The following CCSER1 variants were observed in gnomAD, a reference collection of about 807,000 sequenced individuals.
The protein encoded by CCSER1 is coiled-coil serine rich protein 1, also known as serine-rich coiled-coil domain-containing protein 1.
A neutral mutation model predicts 82.0 loss-of-function variants in CCSER1; 41 were observed. The ratio of observed to expected loss-of-function variants is 0.50; its 90% CI spans 0.39 to 0.65. The LOEUF (loss-of-function observed/expected upper bound fraction) is 0.65. Among genes scored for constraint, CCSER1 ranks in the 30% least tolerant of loss-of-function variants. CCSER1 has a pLI of 0.00. For synonymous variants in CCSER1, 414 were observed against 383.9 expected (o/e 1.08, Z -0.92); for missense variants, 1,119 against 1,064.2 (o/e 1.05, Z -0.72).
At chr4:90,935,377 G>A (rs1730803047) in intron 9 of CCSER1, among the ~76,000 whole-genome samples, 1 of 152,016 alleles carries the variant, frequency 6.6e-6, no homozygotes, top group Non-Finnish European at 1.5e-5. Context: ...TGCACGTACC[G>A]GCTCCCCTTC....
At chr4:90,995,073 A>G (rs146547913) in intron 9 of CCSER1, among the ~76,000 whole-genome samples, 3 of 152,290 alleles carry the variant, frequency 2.0e-5, no homozygotes, top group Admixed American at 2.0e-4. Flanking sequence ...CAATTTTACA[A>G]ACATGCATTC....
chr4:91,004,672 A>T (rs1420849588), intron 9 of CCSER1, among the ~76,000 whole-genome samples: 1 of 152,214 alleles, frequency 6.6e-6, no homozygotes, highest in Non-Finnish European at 1.5e-5. Flanking sequence ...ATATAATCTT[A>T]ATGAAAAAAT....
At chr4:90,997,947 T>G (rs1737645932) in intron 9 of CCSER1, among the ~76,000 whole-genome samples, 2 of 152,244 alleles carry the variant, frequency 1.3e-5, no homozygotes. Context: ...GCATTTCTGC[T>G]AATGTGATCT....
chr4:90,234,426 A>T (rs931847030), intron 1 of CCSER1, among the ~76,000 whole-genome samples: 10 of 152,160 alleles, frequency 6.6e-5, no homozygotes, highest in African/African-American at 2.4e-4. Flanking sequence ...TACGTTGGCC[A>T]GGCTGGTCTT....
intron 9 of CCSER1, among the ~76,000 whole-genome samples, chr4:91,070,552 A>G (rs1405054339): frequency 6.6e-6 from 1 of 152,172 alleles, no homozygotes; most frequent in Non-Finnish European, 1.5e-5. Flanking sequence ...GCTGGAGATG[A>G]CCAGTAGGCA....
chr4:91,029,591 C>T (rs1740795103), intron 9 of CCSER1, among the ~76,000 whole-genome samples: 1 of 151,966 alleles, frequency 6.6e-6, no homozygotes, highest in Non-Finnish European at 1.5e-5. Context: ...TTTGGGATTA[C>T]ATGACCTGTT....
intron 5 of CCSER1, among the ~76,000 whole-genome samples, chr4:90,571,205 T>TCAAC (rs1280256129): frequency 6.6e-6 from 1 of 152,124 alleles, no homozygotes; most frequent in Non-Finnish European, 1.5e-5. Flanking sequence ...GAACAACCAT[T>TCAAC]CAACCCAGCT....
chr4:91,268,866 A>T (rs1741815680), intron 10 of CCSER1, among the ~76,000 whole-genome samples: 2 of 152,200 alleles, frequency 1.3e-5, no homozygotes, highest in Non-Finnish European at 2.9e-5. Flanking sequence ...CAGTTAAGGC[A>T]GGAACCAGCC....
At chr4:91,397,640 G>A (rs1245156511) in intron 10 of CCSER1, among the ~76,000 whole-genome samples, 1 of 151,962 alleles carries the variant, frequency 6.6e-6, no homozygotes, top group Non-Finnish European at 1.5e-5. Context: ...AGAAAACATT[G>A]TTTGTATGAG....
intron 8 of CCSER1, among the ~76,000 whole-genome samples, chr4:90,826,952 C>A (rs1760546838): frequency 1.3e-5 from 2 of 152,110 alleles, no homozygotes. Context: ...AGTGGGGGGT[C>A]TTTCCCCGTT....
At chr4:90,437,114 C>T (rs1347982643) in intron 4 of CCSER1, among the ~76,000 whole-genome samples, 2 of 152,112 alleles carry the variant, frequency 1.3e-5, no homozygotes, top group African/African-American at 4.8e-5. Flanking sequence ...AGCCACCGCC[C>T]CCGGACGAGA....
chr4:91,185,851 C>T (rs1378849004), intron 10 of CCSER1, among the ~76,000 whole-genome samples: 3 of 152,210 alleles, frequency 2.0e-5, no homozygotes, highest in Non-Finnish European at 4.4e-5. Flanking sequence ...CCTTTATCCA[C>T]TCTCAGTCTT....
intron 8 of CCSER1, among the ~76,000 whole-genome samples, chr4:90,837,162 AAAT>A (rs1452655684): frequency 6.6e-6 from 1 of 152,164 alleles, no homozygotes; most frequent in Non-Finnish European, 1.5e-5. Flanking sequence ...CATAAAAATG[AAAT>A]AATATGTTTT....
chr4:90,590,885 G>T (rs1424752742), intron 5 of CCSER1, among the ~76,000 whole-genome samples: 1 of 152,090 alleles, frequency 6.6e-6, no homozygotes, highest in East Asian at 1.9e-4. Flanking sequence ...AAATTACTTT[G>T]GGCAGTATGG....
chr4:90,850,914 A>G (rs1763801750), intron 8 of CCSER1, among the ~76,000 whole-genome samples: 1 of 152,162 alleles, frequency 6.6e-6, no homozygotes, highest in African/African-American at 2.4e-5. Context: ...CCCAAATCTC[A>G]CCTTGAATTG....
At chr4:90,661,481 A>C (rs1331164003) in intron 6 of CCSER1, among the ~76,000 whole-genome samples, 3 of 152,184 alleles carry the variant, frequency 2.0e-5, no homozygotes, top group Non-Finnish European at 4.4e-5. Flanking sequence ...AAGCAATGTA[A>C]AGGCTTCTTA....
chr4:90,833,801 T>C (rs561633367), intron 8 of CCSER1, among the ~76,000 whole-genome samples: 1 of 152,344 alleles, frequency 6.6e-6, no homozygotes, highest in East Asian at 1.9e-4. Flanking sequence ...TGTTGGGAGC[T>C]GAGGCCTACC....
At chr4:91,441,903 C>G (rs972165923) in intron 10 of CCSER1, among the ~76,000 whole-genome samples, 2 of 152,014 alleles carry the variant, frequency 1.3e-5, no homozygotes, top group Non-Finnish European at 2.9e-5. Flanking sequence ...ACCTAGGAAT[C>G]CAACTTACAA....
chr4:90,352,365 C>T (rs1251995837), intron 3 of CCSER1, among the ~76,000 whole-genome samples: 4 of 150,972 alleles, frequency 2.6e-5, no homozygotes, highest in Admixed American at 6.6e-5. Context: ...AACAAATAAA[C>T]AAAAAATACA....
Sources: gnomAD v4.1 joint callset for allele counts (sites outside exome capture counted in the v4.1 genomes callset) on GRCh38, gnomAD v4.1.1 for gene constraint, MANE v1.5 for transcripts, NCBI Gene and HGNC (gene_info 2026-07-23, HGNC 2026-07-21) for gene names.